KLC4: variants seen among roughly 807,000 people sequenced by gnomAD.
The protein encoded by KLC4 is kinesin light chain 4.
KLC4 carries 49 observed loss-of-function variants against 77.2 expected under a neutral mutation model. The ratio of observed to expected loss-of-function variants is 0.63; its 90% CI spans 0.50 to 0.80. The LOEUF (loss-of-function observed/expected upper bound fraction) is 0.80, where lower values mean the gene tolerates loss of function less well. Among genes scored for constraint, KLC4 ranks in the 30% least tolerant of loss-of-function variants. KLC4 has a pLI of 0.00. For missense variants in KLC4, 669 were observed against 793.5 expected (o/e 0.84, Z 1.89); for synonymous variants, 274 against 314.5 (o/e 0.87, Z 1.36).
chr6:43,067,975 A>G (rs375757055), intron 6 of KLC4, among the ~76,000 whole-genome samples: 87 of 81,856 alleles, frequency 1.1e-3, no homozygotes, highest in South Asian at 1.4e-3. Context: ...AGCCGGGCGT[A>G]GTGGCGGGCG....
intron 6 of KLC4, among the ~76,000 whole-genome samples, chr6:43,067,794 C>CA (rs1194376962): frequency 0.056 from 2,467 of 44,138 alleles, 78 homozygotes; most frequent in African/African-American, 0.15. Context: ...GACTCCGTCT[C>CA]AAAAAAAAAA....
rs181359651 is a variant in KLC4 at position 43,059,704 on chromosome 6, C to T, written c.-26+19C>T. 296 of 1,293,396 alleles carry T rather than the reference C, an allele frequency of 2.3e-4. No homozygotes were observed. In the African/African-American group the frequency reaches 4.1e-3, roughly 18 times the overall value. 80.1% of individuals were successfully genotyped at this position (1,293,396 alleles called of 1,614,324 possible). ...ATTGCAGGTGAGTCTTTGAGGGTAT[C>T]CTGGGGCTGAAGGTTAAGGTCTCTG... On this transcript the variant is annotated intron_variant, in intron 1 of 15. Coordinates refer to ENST00000347162, the MANE Select transcript of KLC4 (RefSeq NM_201521.3).
chr6:43,064,395 G>A (rs528587858), intron 3 of KLC4, among the ~76,000 whole-genome samples: 1 of 152,334 alleles, frequency 6.6e-6, no homozygotes, highest in South Asian at 2.1e-4. Flanking sequence ...GTGGTCGTGT[G>A]CACCTATAGC....
Position 43,071,626 on chromosome 6 carries a change from G to T in KLC4, c.1308+7G>T, listed in dbSNP as rs370989716. Reference sequence around the variant, plus strand: ...GCGGGAGGAAATGAGCAAAGTGAGTGGGGGGAAGGGGGGCCAGCCTGGGGA... The same window carrying T: ...GCGGGAGGAAATGAGCAAAGTGAGTTGGGGGAAGGGGGGCCAGCCTGGGGA... On this transcript the variant is annotated splice_region_variant and intron_variant, in intron 10 of 15. Transcript: ENST00000347162. 1.2e-5 allele frequency: 19 copies of T among 1,612,818 alleles called. No homozygotes were observed. The highest frequency in any genetic ancestry group is 1.6e-5 in the Non-Finnish European group (19 of 1,179,316).
intron 12 of KLC4, 124 bp downstream of exon 12, chr6:43,072,379 A>G (rs1765777008): frequency 4.2e-6 from 3 of 706,380 alleles, no homozygotes; most frequent in Non-Finnish European, 7.3e-6. Context: ...AGGGAGAGGA[A>G]AGTGAGGCAG....
rs372312086 is a variant in KLC4 at position 43,070,849 on chromosome 6, G to A, written c.1139G>A (p.Arg380Gln). ...QLGPDNPNVA[R>Q]TKNNLASCYL... ...GGGCCGGACAACCCTAATGTAGCCC[G>A]GACCAAGAACAACCTGGTATGGGAG... Residue 380 changes from arginine (R) to glutamine (Q), a missense_variant, in exon 8 of 16, where the codon CGG becomes CAG. Coordinates refer to ENST00000347162, the MANE Select transcript of KLC4 (RefSeq NM_201521.3). 20 of 1,548,866 alleles carry A rather than the reference G, an allele frequency of 1.3e-5. No homozygotes were observed. Among genetic ancestry groups the A allele is most frequent in the African/African-American group, 2.8e-5 (2 of 70,908 alleles).
At chr6:43,073,147 T>C in intron 13 of KLC4, 76 bp from the exon 14 acceptor site, 3 of 1,392,154 alleles carry the variant, frequency 2.2e-6, no homozygotes, top group Admixed American at 1.9e-5. Flanking sequence ...GTGTGCAGAA[T>C]AAATGCTAGG....
At chr6:43,068,391 G>C (rs987064394) in intron 6 of KLC4, among the ~76,000 whole-genome samples, 1 of 151,998 alleles carries the variant, frequency 6.6e-6, no homozygotes, top group Non-Finnish European at 1.5e-5. Flanking sequence ...AGAATCACTC[G>C]AAACCAGAAG....
intron 2 of KLC4, among the ~76,000 whole-genome samples, 170 bp downstream of exon 2, chr6:43,061,763 T>G (rs1445992787): frequency 6.6e-6 from 1 of 152,218 alleles, no homozygotes; most frequent in East Asian, 1.9e-4. Flanking sequence ...ACTGAAGAGA[T>G]ACATCATTGA....
chr6:43,066,970 C>G (rs749331972), intron 5 of KLC4, 26 bp from the exon 6 acceptor site: 2 of 1,603,880 alleles, frequency 1.2e-6, no homozygotes, highest in Admixed American at 1.7e-5. Context: ...TTCAGGGTAA[C>G]TCCTGTCACT....
Position 43,059,671 on chromosome 6 carries a change from A to C in KLC4, c.-40A>C. 7.5e-7 allele frequency: 1 copy of C among 1,341,404 alleles called. No individual in the cohort carries two copies. The highest frequency in any genetic ancestry group is 9.5e-7 in the Non-Finnish European group (1 of 1,049,032). 83.1% of individuals were successfully genotyped at this position (1,341,404 alleles called of 1,614,324 possible). A position where few individuals can be genotyped will look rare whatever the true frequency, so the allele number is the denominator to read the frequency against. ...CAGTACCGGCAAGAGCGGCAGCCAC[A>C]CCGGCAGATTGCAGGTGAGTCTTTG... On this transcript the variant is annotated 5_prime_UTR_variant, in exon 1 of 16. Transcript: ENST00000347162.
Position 43,069,268 on chromosome 6 carries a change from G to A in KLC4, c.880-1086G>A, listed in dbSNP as rs547493190. Among the ~76,000 whole-genome samples, 5 of 152,160 alleles carry A rather than the reference G, an allele frequency of 3.3e-5. No homozygotes were observed. The East Asian group carries it at 5.8e-4, about 18-fold the overall frequency. On this transcript the variant is annotated intron_variant, in intron 6 of 15. Coordinates refer to ENST00000347162, the MANE Select transcript of KLC4 (RefSeq NM_201521.3). ...TTTGTTTTGTTTTGTTTTTTGAGAT[G>A]GAGTTTCGCAGTGTCACCCAGCCTA...
chr6:43,059,965 C>T lies in KLC4; in HGVS notation c.-26+280C>T. On this transcript the variant is annotated intron_variant, in intron 1 of 15. Transcript: ENST00000347162. The stretch of plus-strand genomic sequence containing the variant: ...GGACCTCAGTCGTCCATCCACACCT[C>T]CCCCCTGCCGCCCCCGCCCATCTCA... The T allele has an allele frequency of 4.5e-6, 6 of 1,331,004 alleles. No individual in the cohort carries two copies. The East Asian group carries it at 9.9e-5, about 22-fold the overall frequency. The allele number at this position is 1,331,004 out of a possible 1,614,324, so 82.4% of individuals were successfully genotyped here.
chr6:43,068,123 A>AG (rs1765538449), intron 6 of KLC4, among the ~76,000 whole-genome samples: 1 of 146,796 alleles, frequency 6.8e-6, no homozygotes, highest in African/African-American at 2.5e-5. Context: ...AAAAAAAAAA[A>AG]AAAAAAAAAA....
At chr6:43,068,719 G>A (rs1247888398) in intron 6 of KLC4, among the ~76,000 whole-genome samples, 1 of 152,050 alleles carries the variant, frequency 6.6e-6, no homozygotes, top group Non-Finnish European at 1.5e-5. Flanking sequence ...ACTGAGGCAG[G>A]AGAATCATTT....
chr6:43,073,585 T>A, intron 14 of KLC4: 1 of 530,206 alleles, frequency 1.9e-6, no homozygotes. Flanking sequence ...AGGCAGAGGT[T>A]GCAGGGAGCC....
Position 43,062,990 on chromosome 6 carries a change from G to A in KLC4, c.332G>A (p.Arg111Gln), listed in dbSNP as rs1225485642. The change falls in exon 3 of 16, where the codon CGG becomes CAG. Residue 111 changes from arginine (R) to glutamine (Q), a missense_variant. Coordinates refer to ENST00000347162, the MANE Select transcript of KLC4 (RefSeq NM_201521.3). ...CAGAAGCTGCGGGCTCAGGTGCGGC[G>A]GCTATGCCAGGAGAACCAGTGGCTG... Reference protein sequence around the residue: ...EKQKLRAQVRRLCQENQWLRD... With the variant: ...EKQKLRAQVRQLCQENQWLRD... The A allele has an allele frequency of 6.2e-6, 10 of 1,614,046 alleles. No individual in the cohort carries two copies. Among genetic ancestry groups the A allele is most frequent in the South Asian group, 1.1e-5 (1 of 91,088 alleles).
chr6:43,069,003 G>A (rs919865892), intron 6 of KLC4, among the ~76,000 whole-genome samples: 11 of 152,130 alleles, frequency 7.2e-5, no homozygotes, highest in Non-Finnish European at 1.5e-4. Flanking sequence ...AGGTACTCGG[G>A]AGGCTGAGAC....
chr6:43,073,006 T>TG, intron 13 of KLC4, 42 bp downstream of exon 13: 1 of 1,546,196 alleles, frequency 6.5e-7, no homozygotes, highest in Non-Finnish European at 8.7e-7. Context: ...TGCCCACTCC[T>TG]GCTGGTGGTG....
Sources: allele counts gnomAD v4.1 joint callset (sites outside exome capture counted in the v4.1 genomes callset), GRCh38; gene constraint gnomAD v4.1.1; transcripts MANE v1.5; gene names NCBI Gene and HGNC (gene_info 2026-07-23, HGNC 2026-07-21).